The following ARFGAP3 variants were observed in gnomAD, a reference collection of about 807,000 sequenced individuals.
ARFGAP3 encodes ARF GTPase activating protein 3, also known as ADP-ribosylation factor GTPase-activating protein 3.
ARFGAP3 carries 72 observed loss-of-function variants against 75.0 expected under a neutral mutation model. The observed-to-expected ratio is 0.96, with a 90% confidence interval of 0.79 to 1.17. The LOEUF is 1.17. ARFGAP3 is among the 50% of genes most tolerant of loss of function. ARFGAP3 has a pLI of 0.00. For missense variants in ARFGAP3, 620 were observed against 626.6 expected, an observed-to-expected ratio of 0.99 and a Z score of 0.11; for synonymous variants, 221 against 217.9, an observed-to-expected ratio of 1.01 and a Z score of -0.13.
chr22:42,851,462 G>A (rs546018752), intron 1 of ARFGAP3, among the ~76,000 whole-genome samples: 2 of 152,350 alleles, frequency 1.3e-5, no homozygotes, highest in South Asian at 2.1e-4. Flanking sequence ...CATGAGGGGG[G>A]GGCCATGTCT....
intron 3 of ARFGAP3, among the ~76,000 whole-genome samples, chr22:42,837,412 G>A (rs1480473929): frequency 1.3e-5 from 2 of 152,094 alleles, no homozygotes; most frequent in African/African-American, 2.4e-5. Flanking sequence ...CTTGAGCCTA[G>A]GAGTTCGAGA....
intron 4 of ARFGAP3, among the ~76,000 whole-genome samples, chr22:42,834,879 T>C (rs1288004342): frequency 2.0e-5 from 3 of 152,222 alleles, no homozygotes; most frequent in Admixed American, 6.5e-5. Flanking sequence ...ATTGAGGATG[T>C]CATTTTTTAA....
intron 12 of ARFGAP3, among the ~76,000 whole-genome samples, chr22:42,810,288 C>G (rs1325056501): frequency 6.6e-6 from 1 of 151,920 alleles, no homozygotes; most frequent in Non-Finnish European, 1.5e-5. Flanking sequence ...GCTGGTGAGG[C>G]AACCGTCTCT....
chr22:42,854,504 A>T (rs939046916), intron 1 of ARFGAP3, among the ~76,000 whole-genome samples: 1 of 152,182 alleles, frequency 6.6e-6, no homozygotes, highest in African/African-American at 2.4e-5. Flanking sequence ...ACACGCCTGT[A>T]GTCCCAGCTA....
chr22:42,809,999 A>G (rs1327425019), intron 12 of ARFGAP3, among the ~76,000 whole-genome samples: 16 of 84,106 alleles, frequency 1.9e-4, no homozygotes, highest in African/African-American at 8.7e-4. Context: ...GCAAGACTCC[A>G]TCTTAAAAAA....
chr22:42,827,821 C>T (rs1314383827), intron 6 of ARFGAP3, among the ~76,000 whole-genome samples: 1 of 152,158 alleles, frequency 6.6e-6, no homozygotes, highest in Non-Finnish European at 1.5e-5. Flanking sequence ...CAGTGGCTCA[C>T]ACCTGTAATC....
intron 15 of ARFGAP3, among the ~76,000 whole-genome samples, chr22:42,798,346 C>T (rs780528734): frequency 2.0e-5 from 3 of 152,214 alleles, no homozygotes; most frequent in Admixed American, 1.3e-4. Flanking sequence ...CCTTTGGAGG[C>T]ACCAGAGTCC....
chr22:42,802,115 A>G (rs1315157597), intron 14 of ARFGAP3, among the ~76,000 whole-genome samples: 2 of 151,934 alleles, frequency 1.3e-5, no homozygotes, highest in Admixed American at 1.3e-4. Flanking sequence ...CTGTGGGAAG[A>G]GTGAGGAGAG....
chr22:42,808,901 A>G lies in ARFGAP3; in HGVS notation c.1197-11T>C, dbSNP rs1470985980. 1.3e-6 allele frequency: 2 copies of G among 1,592,122 alleles called. No homozygotes were observed. Among genetic ancestry groups the G allele is most frequent in the Non-Finnish European group, 1.7e-6 (2 of 1,166,614 alleles). The stretch of plus-strand genomic sequence containing the variant: ...CGGCGAGCAGTAGGTCTGCAATTAA[A>G]AACAGCCAAATTAGGTTAAACTAAT... On this transcript the variant is annotated splice_polypyrimidine_tract_variant and intron_variant, in intron 12 of 15. Transcript: ENST00000263245.
At chr22:42,841,705 C>T (rs1179475800) in intron 2 of ARFGAP3, among the ~76,000 whole-genome samples, 1 of 151,972 alleles carries the variant, frequency 6.6e-6, no homozygotes, top group African/African-American at 2.4e-5. Flanking sequence ...GGTTGTTATT[C>T]AGTAATAGCT....
Position 42,823,702 on chromosome 22 carries a change from T to C in ARFGAP3, c.626A>G (p.Glu209Gly). 6.4e-7 allele frequency: 1 copy of C among 1,563,818 alleles called. No homozygotes were observed. Among genetic ancestry groups the C allele is most frequent in the Non-Finnish European group, 8.7e-7 (1 of 1,154,026 alleles). The change falls in exon 8 of 16, where the codon GAG becomes GGG. Residue 209 changes from glutamate (E) to glycine (G), a missense_variant and splice_region_variant. Glu to Gly is a moderately conservative substitution (Grantham distance 98, BLOSUM62 -2). Transcript: ENST00000263245. ...GLNVPTKATL[E>G]VSSIIKKKPN... ...TTTCTTTTTTATGATAGAGGATACCTCTGCCAAAAAATAAAAATTAAAAAG... is the reference window on the plus strand; with the variant it reads ...TTTCTTTTTTATGATAGAGGATACCCCTGCCAAAAAATAAAAATTAAAAAG...
intron 5 of ARFGAP3, chr22:42,831,857 A>C: frequency 1.1e-5 from 6 of 570,272 alleles, no homozygotes; most frequent in Non-Finnish European, 1.3e-5. Context: ...ATCACAGCTC[A>C]CTGGAGCCTT....
At chr22:42,821,222 T>C (rs1441297378) in intron 9 of ARFGAP3, among the ~76,000 whole-genome samples, 1 of 152,232 alleles carries the variant, frequency 6.6e-6, no homozygotes, top group Middle Eastern at 3.2e-3. Context: ...AAATACTTTT[T>C]TCATTATGCA....
At chr22:42,840,180 C>A (rs1926716007) in intron 3 of ARFGAP3, among the ~76,000 whole-genome samples, 1 of 152,166 alleles carries the variant, frequency 6.6e-6, no homozygotes, top group South Asian at 2.1e-4. Context: ...GATCTGCCTG[C>A]CTCAGCCTCC....
At chr22:42,826,501 TCCC>T (rs1253596498) in intron 7 of ARFGAP3, among the ~76,000 whole-genome samples, 2 of 151,990 alleles carry the variant, frequency 1.3e-5, no homozygotes, top group Non-Finnish European at 2.9e-5. Flanking sequence ...TGCCTCAGTC[TCCC>T]AAGTAGCTGG....
chr22:42,835,377 C>G lies in ARFGAP3; in HGVS notation c.378G>C (p.Arg126=), dbSNP rs967350497. 2 of 1,614,076 alleles carry G rather than the reference C, an allele frequency of 1.2e-6. No individual in the cohort carries two copies. The highest frequency in any genetic ancestry group is 4.5e-5 in the East Asian group (2 of 44,882). The change falls in exon 4 of 16, where the codon CGG becomes CGC. Residue 126 remains arginine, a synonymous_variant. Coordinates refer to ENST00000263245, the MANE Select transcript of ARFGAP3 (RefSeq NM_014570.5). ...AGTGACTTACATCAGTGCCATGCTT[C>G]CGTGTTGCTTGAGAGGCGAGCGATT... ...KIKSLASQAT[R]KHGTDLWLDS... is the part of the protein sequence containing the mutation.
chr22:42,817,837 G>A lies in ARFGAP3; in HGVS notation c.833C>T (p.Ala278Val). Residue 278 changes from alanine to valine, a missense_variant, in exon 10 of 16, where the codon GCC (alanine) becomes GTC (valine). Transcript: ENST00000263245. ...CATTTGAATTTCAAGATCCTTATAGGCTAATCGTAATGATGAAACACTGCC... is the reference window on the plus strand; with the variant it reads ...CATTTGAATTTCAAGATCCTTATAGACTAATCGTAATGATGAAACACTGCC... ...EESIVSSLRL[A>V]YKDLEIQMKK... The A allele has an allele frequency of 6.2e-7, 1 of 1,608,800 alleles. No homozygotes were observed. The highest frequency in any genetic ancestry group is 8.5e-7 in the Non-Finnish European group (1 of 1,177,796).
At chr22:42,831,757 A>T in intron 5 of ARFGAP3, 121 bp from the exon 6 acceptor site, 2 of 1,505,826 alleles carry the variant, frequency 1.3e-6, no homozygotes, top group Non-Finnish European at 1.8e-6. Flanking sequence ...CTGTTAATGG[A>T]AAGGAAGGCA....
chr22:42,820,964 G>C (rs942995718), intron 9 of ARFGAP3, among the ~76,000 whole-genome samples: 2 of 152,076 alleles, frequency 1.3e-5, no homozygotes, highest in Non-Finnish European at 2.9e-5. Context: ...ACTGCTGAAG[G>C]AGCTGTTTCT....
Sources: allele counts gnomAD v4.1 joint callset (sites outside exome capture counted in the v4.1 genomes callset), GRCh38; gene constraint gnomAD v4.1.1; transcripts MANE v1.5; gene names NCBI Gene and HGNC (gene_info 2026-07-23, HGNC 2026-07-21).